C1orf21: variants seen among roughly 807,000 people sequenced by gnomAD.
C1orf21 encodes uncharacterized protein C1orf21.
C1orf21 carries 3 observed loss-of-function variants against 18.7 expected under a neutral mutation model. The ratio of observed to expected loss-of-function variants is 0.16; its 90% CI spans 0.07 to 0.42. The LOEUF is 0.42. Ranked by LOEUF, C1orf21 falls within the 10% of genes least tolerant of loss-of-function variation. The pLI is 0.99. For synonymous variants in C1orf21, 41 were observed against 46.4 expected (o/e 0.88, Z 0.47); for missense variants, 104 against 143.6 (o/e 0.72, Z 1.41).
At chr1:184,587,195 A>G (rs546201516) in intron 3 of C1orf21, among the ~76,000 whole-genome samples, 18 of 149,394 alleles carry the variant, frequency 1.2e-4, no homozygotes, top group Admixed American at 5.3e-4. Context: ...GTCCTGTAGC[A>G]TAAAGTCAGG....
chr1:184,417,551 G>A (rs375531556), intron 1 of C1orf21, among the ~76,000 whole-genome samples: 1 of 152,098 alleles, frequency 6.6e-6, no homozygotes, highest in Non-Finnish European at 1.5e-5. Flanking sequence ...TAAAATTTGA[G>A]GTTTTTAGCA....
At chr1:184,530,700 CTT>C (rs1658449216) in intron 3 of C1orf21, among the ~76,000 whole-genome samples, 1 of 149,238 alleles carries the variant, frequency 6.7e-6, no homozygotes, top group African/African-American at 2.5e-5. Flanking sequence ...AAGCCCAACA[CTT>C]ATGACTTTTT....
intron 3 of C1orf21, among the ~76,000 whole-genome samples, chr1:184,575,012 A>C (rs1196327125): frequency 6.6e-6 from 1 of 152,238 alleles, no homozygotes. Context: ...GGCTGAAAAG[A>C]TACGCAAATG....
chr1:184,469,207 G>A (rs974664182), intron 1 of C1orf21, among the ~76,000 whole-genome samples: 2 of 152,148 alleles, frequency 1.3e-5, no homozygotes, highest in Non-Finnish European at 2.9e-5. Flanking sequence ...CCGAGGTCGC[G>A]CCACTGCACT....
At chr1:184,530,209 A>C (rs888859227) in intron 3 of C1orf21, among the ~76,000 whole-genome samples, 33 of 152,212 alleles carry the variant, frequency 2.2e-4, no homozygotes, top group African/African-American at 7.5e-4. Context: ...GAGAGGTAGA[A>C]GAATGAAGTA....
chr1:184,575,001 A>G (rs189418012), intron 3 of C1orf21, among the ~76,000 whole-genome samples: 72 of 152,348 alleles, frequency 4.7e-4, no homozygotes, highest in African/African-American at 1.7e-3. Flanking sequence ...AGCTTCTAAA[A>G]GGCTGAAAAG....
At chr1:184,546,500 T>G (rs1267350109) in intron 3 of C1orf21, among the ~76,000 whole-genome samples, 1 of 152,188 alleles carries the variant, frequency 6.6e-6, no homozygotes, top group East Asian at 1.9e-4. Context: ...GGACTGGGGA[T>G]AATTGTGAGC....
intron 3 of C1orf21, among the ~76,000 whole-genome samples, chr1:184,575,514 A>C (rs1659172969): frequency 1.3e-5 from 2 of 152,064 alleles, no homozygotes; most frequent in Non-Finnish European, 2.9e-5. Flanking sequence ...AACCAGGACT[A>C]ATCATAGAAG....
At chr1:184,388,602 T>G (rs1016964067) in intron 1 of C1orf21, among the ~76,000 whole-genome samples, 4 of 151,538 alleles carry the variant, frequency 2.6e-5, no homozygotes, top group African/African-American at 9.7e-5. Flanking sequence ...CACCATAGAT[T>G]CCATGGAGTA....
chr1:184,550,541 T>C (rs1453403367), intron 3 of C1orf21, among the ~76,000 whole-genome samples: 1 of 152,144 alleles, frequency 6.6e-6, no homozygotes, highest in Non-Finnish European at 1.5e-5. Flanking sequence ...TTTGTTTGTT[T>C]GTTTGTTTTT....
At chr1:184,427,413 A>C (rs1571352771) in intron 1 of C1orf21, among the ~76,000 whole-genome samples, 1 of 152,286 alleles carries the variant, frequency 6.6e-6, no homozygotes, top group Non-Finnish European at 1.5e-5. Context: ...CTTGGAGGTC[A>C]GGATCTGTCC....
At chr1:184,555,105 A>G (rs1658860033) in intron 3 of C1orf21, among the ~76,000 whole-genome samples, 2 of 152,220 alleles carry the variant, frequency 1.3e-5, no homozygotes, top group Non-Finnish European at 1.5e-5. Context: ...CAGCTCTGTC[A>G]GGGCATAAGT....
At chr1:184,587,682 T>C (rs1659378121) in intron 3 of C1orf21, among the ~76,000 whole-genome samples, 1 of 150,366 alleles carries the variant, frequency 6.7e-6, no homozygotes, top group Non-Finnish European at 1.5e-5. Context: ...AGATGGAGTC[T>C]TGCTCTGTTG....
chr1:184,436,249 T>C (rs960939083), intron 1 of C1orf21, among the ~76,000 whole-genome samples: 9 of 152,182 alleles, frequency 5.9e-5, no homozygotes, highest in South Asian at 2.1e-4. Flanking sequence ...TGCAGCCACA[T>C]TGGCGACATT....
intron 2 of C1orf21, among the ~76,000 whole-genome samples, chr1:184,480,818 T>G (rs12082456): frequency 0.077 from 11,687 of 151,992 alleles, 547 homozygotes; most frequent in African/African-American, 0.12. Context: ...GAGTGAGCAG[T>G]TGGGGGTCTG....
chr1:184,465,842 A>G (rs1438853025), intron 1 of C1orf21, among the ~76,000 whole-genome samples: 1 of 152,134 alleles, frequency 6.6e-6, no homozygotes, highest in Non-Finnish European at 1.5e-5. Context: ...CTATTCAGAT[A>G]AAAACTTCAA....
chr1:184,413,498 T>A (rs1656393587), intron 1 of C1orf21, among the ~76,000 whole-genome samples: 1 of 152,184 alleles, frequency 6.6e-6, no homozygotes, highest in African/African-American at 2.4e-5. Context: ...GTGTTTGAAA[T>A]CTGTAAAATA....
chr1:184,571,538 C>T (rs967425942), intron 3 of C1orf21, among the ~76,000 whole-genome samples: 1 of 152,156 alleles, frequency 6.6e-6, no homozygotes, highest in South Asian at 2.1e-4. Context: ...ACCAGTTATA[C>T]CTGGTCCCTC....
intron 1 of C1orf21, among the ~76,000 whole-genome samples, chr1:184,410,629 A>ATTATATATAT (rs529584381): frequency 3.7e-4 from 1 of 2,732 alleles, no homozygotes. Flanking sequence ...ATATATATAT[A>ATTATATATAT]TATATATATA....
Sources: allele counts gnomAD v4.1 joint callset (sites outside exome capture counted in the v4.1 genomes callset), GRCh38; gene constraint gnomAD v4.1.1; transcripts MANE v1.5; gene names NCBI Gene and HGNC (gene_info 2026-07-23, HGNC 2026-07-21).